Variants in CCDC181 observed in about 807,000 individuals in gnomAD.
The protein encoded by CCDC181 is coiled-coil domain containing 181, also known as coiled-coil domain-containing protein 181.
Under a neutral mutation model 58.7 loss-of-function variants are expected in CCDC181, and 35 were observed. The ratio of observed to expected loss-of-function variants is 0.60; its 90% CI spans 0.46 to 0.79. CCDC181 has a LOEUF of 0.79. CCDC181 is among the 30% of genes least tolerant of loss of function. The pLI, the probability that CCDC181 is intolerant of heterozygous loss-of-function variation, is 0.00. For missense variants in CCDC181, 517 were observed against 583.9 expected, an observed-to-expected ratio of 0.89 and a Z score of 1.18; for synonymous variants, 183 against 197.5, an observed-to-expected ratio of 0.93 and a Z score of 0.62.
In CCDC181 at chr1:169,409,439, G is replaced by T. The variant is rs1160023246; in HGVS notation, c.1215+9574C>A. ...TTGGTGTACCTGAAAGTGACAGAGA[G>T]AATGGAACCAAGTTGGAAAACACTC... is the stretch of plus-strand genomic sequence containing the variant. On this transcript the variant is annotated intron_variant, in intron 4 of 5. Coordinates refer to ENST00000367806, the MANE Select transcript of CCDC181 (RefSeq NM_001300969.2). Among the ~76,000 whole-genome samples the T allele has an allele frequency of 3.3e-5, 5 of 152,164 alleles. No individual in the cohort carries two copies. In the East Asian group the frequency reaches 9.6e-4, roughly 29 times the overall value.
chr1:169,421,925 G>A lies in CCDC181; in HGVS notation c.506C>T (p.Thr169Ile). 1 of 1,613,788 alleles carries A rather than the reference G, an allele frequency of 6.2e-7. No homozygotes were observed. The highest frequency in any genetic ancestry group is 8.5e-7 in the Non-Finnish European group (1 of 1,179,824). Reference sequence around the variant, plus strand: ...TTCAAAATAATTTTTAAAAGTAGTAGTGTCTTCTAGTGGAGGAACTTCCAA... The same window carrying A: ...TTCAAAATAATTTTTAAAAGTAGTAATGTCTTCTAGTGGAGGAACTTCCAA... ...VDLEVPPLED[T>I]TTFKNYFENE... The change falls in exon 3 of 6, where the codon ACT (threonine) becomes ATT (isoleucine). Residue 169 changes from threonine (T) to isoleucine (I), a missense_variant. By Grantham distance (89) the Thr-to-Ile change is moderately conservative. Transcript: ENST00000367806.
upstream of CCDC181, among the ~76,000 whole-genome samples, chr1:169,432,390 C>T (rs573884026): frequency 1.3e-5 from 2 of 152,128 alleles, no homozygotes; most frequent in East Asian, 3.9e-4. Context: ...TGTGGGAGTC[C>T]TTGAGAAAAG....
upstream of CCDC181, among the ~76,000 whole-genome samples, chr1:169,430,962 A>G (rs1199975117): frequency 6.6e-6 from 1 of 152,200 alleles, no homozygotes; most frequent in Non-Finnish European, 1.5e-5. Flanking sequence ...CTATGCAAAC[A>G]TTACACTCCT....
intron 4 of CCDC181, among the ~76,000 whole-genome samples, chr1:169,397,844 C>G (rs1479627254): frequency 1.2e-4 from 18 of 152,132 alleles, no homozygotes; most frequent in Admixed American, 9.2e-4. Context: ...GTACTCTTTA[C>G]CCTTGGGAAA....
intron 4 of CCDC181, among the ~76,000 whole-genome samples, chr1:169,403,434 A>T (rs1272803156): frequency 6.6e-6 from 1 of 152,272 alleles, no homozygotes; most frequent in Non-Finnish European, 1.5e-5. Flanking sequence ...AGCAAATGTA[A>T]AAACACAGAA....
At chr1:169,445,000 A>C (rs1039863223) in intron 2 of CCDC181, among the ~76,000 whole-genome samples, 2 of 152,112 alleles carry the variant, frequency 1.3e-5, no homozygotes, top group African/African-American at 4.8e-5. Context: ...GGTCCTACAT[A>C]ATCAGGCCCC....
chr1:169,403,810 C>A (rs1238194371), intron 4 of CCDC181, among the ~76,000 whole-genome samples: 3 of 152,104 alleles, frequency 2.0e-5, no homozygotes, highest in Non-Finnish European at 1.5e-5. Context: ...TAACTAAGAT[C>A]AGAGCAGAAC....
intron 2 of CCDC181, among the ~76,000 whole-genome samples, chr1:169,455,011 G>A (rs1363822168): frequency 2.0e-5 from 3 of 151,776 alleles, no homozygotes; most frequent in Admixed American, 1.3e-4. Context: ...GCTACTGTAT[G>A]CAATTATATT....
At chr1:169,428,246 C>T (rs6696810), upstream of CCDC181, among the ~76,000 whole-genome samples, 81,335 of 151,958 alleles carry the variant, frequency 0.54, 22,612 homozygotes, top group Non-Finnish European at 0.6. Context: ...ATATTGAGTG[C>T]ACTTCCTAGA....
intron 2 of CCDC181, among the ~76,000 whole-genome samples, chr1:169,456,980 G>C (rs1046541159): frequency 1.3e-5 from 2 of 151,970 alleles, no homozygotes; most frequent in Non-Finnish European, 2.9e-5. Context: ...TTTAAAATCT[G>C]TGACTGTTTT....
intron 4 of CCDC181, 137 bp downstream of exon 4, chr1:169,418,876 A>G: frequency 1.6e-6 from 1 of 630,416 alleles, no homozygotes. Flanking sequence ...TGCATGTTGC[A>G]TCTTTTGCAA....
intron 4 of CCDC181, among the ~76,000 whole-genome samples, chr1:169,407,542 A>C (rs920264783): frequency 1.4e-4 from 21 of 152,120 alleles, no homozygotes; most frequent in African/African-American, 5.1e-4. Flanking sequence ...ATAAGGCAGA[A>C]AAGGATGAGT....
At chr1:169,440,923 A>C (rs953301546) in intron 2 of CCDC181, among the ~76,000 whole-genome samples, 5 of 147,588 alleles carry the variant, frequency 3.4e-5, no homozygotes, top group Non-Finnish European at 4.4e-5. Flanking sequence ...CAACAGAGCA[A>C]GACTGTCTAA....
intron 2 of CCDC181, chr1:169,452,451 T>G (rs1021701547): frequency 6.6e-6 from 1 of 151,860 alleles, no homozygotes; most frequent in Non-Finnish European, 1.5e-5. Flanking sequence ...GGAGTTTTAC[T>G]CTAAAGGGGA....
intron 2 of CCDC181, among the ~76,000 whole-genome samples, chr1:169,453,849 C>T (rs1657615528): frequency 6.6e-6 from 1 of 151,564 alleles, no homozygotes; most frequent in Admixed American, 6.6e-5. Flanking sequence ...ACAATAGTTT[C>T]AAGTCTATTA....
chr1:169,417,760 G>A (rs2102081214), intron 4 of CCDC181, among the ~76,000 whole-genome samples: 1 of 152,076 alleles, frequency 6.6e-6, no homozygotes, highest in Middle Eastern at 3.4e-3. Context: ...CACCTAAGAA[G>A]TTCCAAGGAA....
intron 4 of CCDC181, among the ~76,000 whole-genome samples, chr1:169,399,853 G>A (rs1343509334): frequency 6.6e-6 from 1 of 152,146 alleles, no homozygotes; most frequent in African/African-American, 2.4e-5. Context: ...CCAGACAACG[G>A]TATAGGAAGG....
chr1:169,430,678 A>AAC (rs1553207533), upstream of CCDC181, among the ~76,000 whole-genome samples: 263 of 151,320 alleles, frequency 1.7e-3, 4 homozygotes, highest in East Asian at 1.5e-3. Context: ...GAAAAAAAAA[A>AAC]ACACACAAAT....
At position 169,421,486 on chromosome 1, in the gene CCDC181, C is replaced by T. The variant is rs1656453250; in HGVS notation, c.945G>A (p.Gly315=). The change falls in exon 3 of 6, where the codon GGG becomes GGA. Residue 315 remains glycine, a synonymous_variant. Transcript: ENST00000367806. The part of the protein sequence containing the change: ...AVNSDRSKGN[G]KSNHRTQSAH... ...CAGACTGTGTCCTGTGATTAGATTT[C>T]CCATTCCCTTTACTTCGATCTGAGT... The T allele has an allele frequency of 5.6e-6, 9 of 1,613,964 alleles. No individual in the cohort carries two copies. The South Asian group carries it at 7.7e-5, about 14-fold the overall frequency.
Sources: gnomAD v4.1 joint callset for allele counts (sites outside exome capture counted in the v4.1 genomes callset) on GRCh38, gnomAD v4.1.1 for gene constraint, MANE v1.5 for transcripts, NCBI Gene and HGNC (gene_info 2026-07-23, HGNC 2026-07-21) for gene names.